The following THSD4 variants were observed in gnomAD, a reference collection of about 807,000 sequenced individuals.
THSD4 encodes thrombospondin type 1 domain containing 4.
THSD4 carries 69 observed loss-of-function variants against 119.0 expected under a neutral mutation model. The ratio of observed to expected loss-of-function variants is 0.58; its 90% confidence interval spans 0.48 to 0.71. The LOEUF is 0.71. Among genes scored for constraint, THSD4 ranks in the 30% least tolerant of loss-of-function variants. The probability of loss-of-function intolerance (pLI) is 0.00; values close to 1 mark genes in which losing one functional copy is unlikely to be tolerated. For missense variants in THSD4, 1,393 were observed against 1,391.1 expected (o/e 1.00, Z -0.02); for synonymous variants, 524 against 540.4 (o/e 0.97, Z 0.42).
At chr15:71,657,998 C>T (rs1024734835) in intron 7 of THSD4, among the ~76,000 whole-genome samples, 4 of 152,098 alleles carry the variant, frequency 2.6e-5, no homozygotes, top group African/African-American at 7.2e-5. Context: ...ATTAATGTGA[C>T]GTCTGTCCCA....
Position 71,388,486 on chromosome 15 carries a change from C to T in THSD4, c.1016-23201C>T, listed in dbSNP as rs2046321887. Among the ~76,000 whole-genome samples, 3 of 152,132 alleles carry T rather than the reference C, an allele frequency of 2.0e-5. No homozygotes were observed. In the South Asian group the frequency reaches 6.2e-4, roughly 32 times the overall value. On this transcript the variant is annotated intron_variant, in intron 6 of 17. Coordinates refer to ENST00000261862, the MANE Select transcript of THSD4 (RefSeq NM_024817.3). ...AATGTGTTCCTTACTGAAAGGTCTT[C>T]TGTTGTTCAGCTCTTCCTGTATGCC...
intron 8 of THSD4, among the ~76,000 whole-genome samples, chr15:71,676,462 A>G (rs918224482): frequency 3.3e-4 from 50 of 152,228 alleles, no homozygotes; most frequent in Admixed American, 8.5e-4. Flanking sequence ...TTGTATTTTT[A>G]GTAGAGACAG....
intron 8 of THSD4, among the ~76,000 whole-genome samples, chr15:71,722,060 A>G (rs1038649831): frequency 6.6e-6 from 1 of 152,194 alleles, no homozygotes; most frequent in Non-Finnish European, 1.5e-5. Flanking sequence ...TTGCCCTTCA[A>G]ACAGGCTTTG....
intron 7 of THSD4, among the ~76,000 whole-genome samples, chr15:71,444,517 A>G (rs1188927284): frequency 6.6e-6 from 1 of 152,082 alleles, no homozygotes; most frequent in Non-Finnish European, 1.5e-5. Context: ...TGAGCACCAG[A>G]CTCATCTGCT....
At chr15:71,458,467 G>A (rs1208952402) in intron 7 of THSD4, among the ~76,000 whole-genome samples, 1 of 152,166 alleles carries the variant, frequency 6.6e-6, no homozygotes, top group Non-Finnish European at 1.5e-5. Flanking sequence ...AAAAACAACA[G>A]TACTGCAGTA....
chr15:71,561,911 CACACACACAA>C (rs1175598438), intron 7 of THSD4, among the ~76,000 whole-genome samples: 52 of 39,616 alleles, frequency 1.3e-3, no homozygotes, highest in African/African-American at 5.6e-3. Context: ...CACACACACA[CACACACACAA>C]ACACTCACTC....
At chr15:71,434,434 C>CTTTTTTT (rs34097873) in intron 7 of THSD4, among the ~76,000 whole-genome samples, 1 of 82,538 alleles carries the variant, frequency 1.2e-5, no homozygotes, top group Non-Finnish European at 2.2e-5. Flanking sequence ...TCAGTGGTCC[C>CTTTTTTT]TTTTTTTTTT....
chr15:71,741,833 G>A (rs1276513386), intron 11 of THSD4, among the ~76,000 whole-genome samples: 1 of 152,186 alleles, frequency 6.6e-6, no homozygotes, highest in Non-Finnish European at 1.5e-5. Context: ...AGGTGCCTTG[G>A]AAATAAAGCA....
intron 7 of THSD4, among the ~76,000 whole-genome samples, chr15:71,555,418 G>A (rs1217617030): frequency 6.6e-6 from 1 of 152,156 alleles, no homozygotes; most frequent in Non-Finnish European, 1.5e-5. Flanking sequence ...ATTGTATAAT[G>A]TTTATGTGTA....
intron 7 of THSD4, among the ~76,000 whole-genome samples, chr15:71,547,985 A>G (rs956978490): frequency 7.2e-5 from 11 of 151,940 alleles, no homozygotes; most frequent in Non-Finnish European, 2.9e-5. Flanking sequence ...AGGGAGAATG[A>G]TATACAACAG....
Position 71,324,419 on chromosome 15 carries a change from C to T in THSD4, c.1015+67704C>T, listed in dbSNP as rs577856101. Among the ~76,000 whole-genome samples, 8 of 152,272 alleles carry T rather than the reference C, an allele frequency of 5.3e-5. No homozygotes were observed. The South Asian group carries it at 1.0e-3, about 20-fold the overall frequency. On this transcript the variant is annotated intron_variant, in intron 6 of 17. Transcript: ENST00000261862. ...GCCCACCCATCACCTGAGTAGTGTACATTGTACCCAATGTGTACTTTTTTT... is the reference window on the plus strand; with the variant it reads ...GCCCACCCATCACCTGAGTAGTGTATATTGTACCCAATGTGTACTTTTTTT...
chr15:71,599,902 A>C (rs1363963305), intron 7 of THSD4, among the ~76,000 whole-genome samples: 1 of 152,210 alleles, frequency 6.6e-6, no homozygotes, highest in Non-Finnish European at 1.5e-5. Flanking sequence ...TTCCAGCTGC[A>C]GAGCCACAAA....
intron 7 of THSD4, among the ~76,000 whole-genome samples, chr15:71,594,458 C>T (rs1256280108): frequency 1.3e-5 from 2 of 152,050 alleles, no homozygotes; most frequent in Non-Finnish European, 2.9e-5. Context: ...CCACCCACCT[C>T]GGCCTCCCCT....
intron 5 of THSD4, among the ~76,000 whole-genome samples, chr15:71,248,927 A>C (rs888431140): frequency 6.6e-6 from 1 of 152,186 alleles, no homozygotes; most frequent in East Asian, 1.9e-4. Flanking sequence ...CCATGAGGCC[A>C]GTTACTGAAT....
intron 6 of THSD4, among the ~76,000 whole-genome samples, chr15:71,344,851 A>G (rs2045633277): frequency 6.6e-6 from 1 of 152,004 alleles, no homozygotes; most frequent in Non-Finnish European, 1.5e-5. Flanking sequence ...AAGGATTTTG[A>G]AAATGGTGTA....
rs77786678 is a variant in THSD4 at position 71,647,241 on chromosome 15, G to A, written c.1153-13289G>A. Among the ~76,000 whole-genome samples the A allele has an allele frequency of 6.8e-3, 1,033 of 152,328 alleles. 14 individuals carry two copies. Among genetic ancestry groups the A allele is most frequent in the African/African-American group, 0.024 (991 of 41,580 alleles). ...TAGTGCAGTCTCTTGGAAGCCATGT[G>A]TGGGCAGCAGATCTGCTATTGCCCT... On this transcript the variant is annotated intron_variant, in intron 7 of 17. Transcript: ENST00000261862.
At chr15:71,775,872 A>G (rs2140256332) in intron 17 of THSD4, among the ~76,000 whole-genome samples, 1 of 152,346 alleles carries the variant, frequency 6.6e-6, no homozygotes, top group East Asian at 1.9e-4. Flanking sequence ...TAAAAAAAGC[A>G]AGGAGAGCAG....
At chr15:71,429,648 GCTT>G (rs1390240476) in intron 7 of THSD4, among the ~76,000 whole-genome samples, 2 of 152,162 alleles carry the variant, frequency 1.3e-5, no homozygotes, top group Non-Finnish European at 2.9e-5. Context: ...CCATGAGGTT[GCTT>G]CTTTAGCACA....
chr15:71,706,522 A>G (rs1219703984), intron 8 of THSD4, among the ~76,000 whole-genome samples: 1 of 152,202 alleles, frequency 6.6e-6, no homozygotes, highest in Non-Finnish European at 1.5e-5. Context: ...ATGCAGAGAA[A>G]AACAGAAATT....
Sources: gnomAD v4.1 joint callset for allele counts (sites outside exome capture counted in the v4.1 genomes callset) on GRCh38, gnomAD v4.1.1 for gene constraint, MANE v1.5 for transcripts, NCBI Gene and HGNC (gene_info 2026-07-23, HGNC 2026-07-21) for gene names.